KLRG1: variants seen among roughly 807,000 people sequenced by gnomAD.
KLRG1 encodes the protein killer cell lectin like receptor G1.
KLRG1 carries 16 observed loss-of-function variants against 21.8 expected under a neutral mutation model. That is an observed-to-expected ratio of 0.73 (90% confidence interval 0.50 to 1.11). The LOEUF is 1.11. KLRG1 is among the 50% of genes most tolerant of loss of function. The pLI is 0.00. For missense variants in KLRG1, 173 were observed against 218.3 expected, an observed-to-expected ratio of 0.79 and a Z score of 1.31; for synonymous variants, 69 against 75.9, an observed-to-expected ratio of 0.91 and a Z score of 0.47.
chr12:9,162,743 G>A, the KLRG1 span: 16 of 999,654 alleles, frequency 1.6e-5, no homozygotes, highest in South Asian at 4.4e-5. Flanking sequence ...GGGTTTACAC[G>A]AATGATGTTT....
the KLRG1 span, among the ~76,000 whole-genome samples, chr12:9,083,124 G>A: frequency 2.0e-5 from 3 of 152,216 alleles, no homozygotes; most frequent in African/African-American, 7.2e-5. Flanking sequence ...ATCATTCTCA[G>A]CAAACTATTG....
At chr12:8,952,737 C>T (rs985089142) in intron 1 of KLRG1, among the ~76,000 whole-genome samples, 3 of 152,140 alleles carry the variant, frequency 2.0e-5, no homozygotes, top group Admixed American at 6.5e-5. Flanking sequence ...GAAACAAGGA[C>T]ATCCTCTCAT....
the KLRG1 span, among the ~76,000 whole-genome samples, chr12:9,147,783 AGTCTTCT>A: frequency 6.6e-6 from 1 of 152,200 alleles, no homozygotes; most frequent in South Asian, 2.1e-4. Context: ...CTTCAAGCTA[AGTCTTCT>A]GGAACTCAGA....
chr12:9,018,606 C>G, the KLRG1 span, among the ~76,000 whole-genome samples: 15 of 150,710 alleles, frequency 1.0e-4, no homozygotes, highest in African/African-American at 3.7e-4. Context: ...CTTTCTGAGG[C>G]TGAGGTGGGA....
chr12:9,003,604 C>T (rs1044649746), intron 3 of KLRG1, among the ~76,000 whole-genome samples: 14 of 151,822 alleles, frequency 9.2e-5, no homozygotes, highest in African/African-American at 2.2e-4. Context: ...ATTCACTCTC[C>T]GGTCTACCTT....
the KLRG1 span, chr12:9,208,259 G>A: frequency 8.1e-6 from 13 of 1,610,840 alleles, no homozygotes; most frequent in Admixed American, 3.3e-5. Context: ...TGAGACTTAC[G>A]GTTCTGTAGA....
At chr12:9,056,845 G>T in the KLRG1 span, among the ~76,000 whole-genome samples, 14 of 152,268 alleles carry the variant, frequency 9.2e-5, no homozygotes, top group South Asian at 2.9e-3. Context: ...AAGCCACTGT[G>T]CCCAGCCTCT....
the KLRG1 span, chr12:9,104,428 A>G: frequency 6.4e-7 from 1 of 1,558,182 alleles, no homozygotes; most frequent in Non-Finnish European, 8.7e-7. Flanking sequence ...TGGATTAGTT[A>G]TATTGGTAAT....
At chr12:9,076,174 G>T in the KLRG1 span, among the ~76,000 whole-genome samples, 2 of 152,110 alleles carry the variant, frequency 1.3e-5, no homozygotes, top group East Asian at 1.9e-4. Context: ...TATGTTTAAG[G>T]TTATATAATG....
intron 1 of KLRG1, among the ~76,000 whole-genome samples, chr12:8,960,325 TGC>T (rs1946362111): frequency 6.6e-6 from 1 of 152,026 alleles, no homozygotes; most frequent in Non-Finnish European, 1.5e-5. Context: ...AAAAGAGAGA[TGC>T]GCAAAGAGTG....
At chr12:9,081,396 T>G in the KLRG1 span, among the ~76,000 whole-genome samples, 2 of 152,136 alleles carry the variant, frequency 1.3e-5, no homozygotes, top group Admixed American at 1.3e-4. Flanking sequence ...ATTTAGGTAA[T>G]AAAGAGGAGG....
chr12:9,095,787 C>G, the KLRG1 span: 1 of 1,207,504 alleles, frequency 8.3e-7, no homozygotes, highest in Non-Finnish European at 1.1e-6. Flanking sequence ...GAGTCTCGCT[C>G]TGTCGCCCAG....
At chr12:9,009,283 A>G (rs1420114122) in intron 4 of KLRG1, 143 bp from the exon 5 acceptor site, 1 of 1,150,278 alleles carries the variant, frequency 8.7e-7, no homozygotes, top group Non-Finnish European at 1.2e-6. Context: ...AGGCTGATGA[A>G]CAATTTTAAT....
the KLRG1 span, chr12:9,079,947 T>C: frequency 9.6e-7 from 1 of 1,043,892 alleles, no homozygotes; most frequent in South Asian, 2.2e-5. Context: ...GGGATAGAAG[T>C]ATGATTGAAA....
chr12:9,152,442 C>T, the KLRG1 span: 2 of 685,184 alleles, frequency 2.9e-6, no homozygotes, highest in Admixed American at 2.4e-5. Context: ...GTCTGTGTTC[C>T]CTGGACTTGT....
intron 1 of KLRG1, among the ~76,000 whole-genome samples, chr12:8,965,857 CAA>C (rs199517807): frequency 0.073 from 11,140 of 152,114 alleles, 703 homozygotes; most frequent in African/African-American, 0.17. Context: ...CATATGGAAC[CAA>C]AAAAGAGTCC....
chr12:9,211,722 C>T, the KLRG1 span, among the ~76,000 whole-genome samples: 2 of 152,182 alleles, frequency 1.3e-5, no homozygotes, highest in African/African-American at 4.8e-5. Context: ...ACACCTTTTC[C>T]CATCTTTATA....
At chr12:9,048,466 A>G in the KLRG1 span, among the ~76,000 whole-genome samples, 5,476 of 152,282 alleles carry the variant, frequency 0.036, 238 homozygotes, top group African/African-American at 0.11. Flanking sequence ...ATCCTCAACA[A>G]AATATTAGAA....
chr12:9,164,799 G>A, the KLRG1 span, among the ~76,000 whole-genome samples: 2 of 152,256 alleles, frequency 1.3e-5, no homozygotes, highest in East Asian at 1.9e-4. Flanking sequence ...TCAAGATGAC[G>A]GGTTGGAGAA....
Sources: allele counts gnomAD v4.1 joint callset (sites outside exome capture counted in the v4.1 genomes callset), GRCh38; gene constraint gnomAD v4.1.1; transcripts MANE v1.5; gene names NCBI Gene and HGNC (gene_info 2026-07-23, HGNC 2026-07-21).